ZNF521: variants seen among roughly 807,000 people sequenced by gnomAD.
ZNF521 encodes the protein LYST-interacting protein 3.
Under a neutral mutation model 105.5 loss-of-function variants are expected in ZNF521, and 14 were observed. The ratio of observed to expected loss-of-function variants is 0.13; its 90% CI spans 0.09 to 0.21. The LOEUF is 0.21. Ranked by LOEUF, ZNF521 falls within the 10% of genes least tolerant of loss-of-function variation. ZNF521 has a pLI of 1.00. For synonymous variants in ZNF521, 635 were observed against 606.0 expected, an observed-to-expected ratio of 1.05 and a Z score of -0.70; for missense variants, 1,233 against 1,629.7, an observed-to-expected ratio of 0.76 and a Z score of 4.19.
In ZNF521 at chr18:25,120,596, A is replaced by C. The variant is rs937377232; in HGVS notation, c.3659-28515T>G. ...AAAACTCCATCTAAAAAAAAAAAAA[A>C]AAAAAACCACAAACAAACAAACAAA... On this transcript the variant is annotated intron_variant, in intron 5 of 7. Coordinates refer to ENST00000361524, the MANE Select transcript of ZNF521 (RefSeq NM_015461.3). 8.5e-4 allele frequency among the ~76,000 whole-genome samples: 125 copies of C among 146,926 alleles called. 2 individuals carry two copies. Among genetic ancestry groups the C allele is most frequent in the South Asian group, 8.0e-3 (37 of 4,600 alleles).
chr18:25,302,675 C>A (rs1911709267), intron 3 of ZNF521: 1 of 152,100 alleles, frequency 6.6e-6, no homozygotes, highest in Non-Finnish European at 1.5e-5. Flanking sequence ...GGAGTAATGA[C>A]ACATTCAAAA....
chr18:25,260,701 T>A (rs1304711023), intron 3 of ZNF521, among the ~76,000 whole-genome samples: 1 of 152,192 alleles, frequency 6.6e-6, no homozygotes, highest in African/African-American at 2.4e-5. Context: ...CTATTATAAT[T>A]ACTCATGTGT....
chr18:25,304,499 T>C (rs1454042248), intron 3 of ZNF521, among the ~76,000 whole-genome samples: 1 of 152,208 alleles, frequency 6.6e-6, no homozygotes, highest in Non-Finnish European at 1.5e-5. Flanking sequence ...ACACACACAG[T>C]GCCCCCAGAG....
intron 3 of ZNF521, among the ~76,000 whole-genome samples, chr18:25,242,211 C>T (rs80310592): frequency 0.014 from 2,056 of 152,256 alleles, 53 homozygotes; most frequent in African/African-American, 0.047. Flanking sequence ...ACAAACTATT[C>T]TCTGTAAGGA....
At chr18:25,342,675 G>A (rs371617597) in intron 2 of ZNF521, among the ~76,000 whole-genome samples, 9 of 152,082 alleles carry the variant, frequency 5.9e-5, no homozygotes, top group African/African-American at 1.7e-4. Flanking sequence ...TGATCCGCCC[G>A]CCTCGGCCTC....
intron 3 of ZNF521, among the ~76,000 whole-genome samples, chr18:25,288,774 G>A (rs1910849585): frequency 6.6e-6 from 1 of 152,078 alleles, no homozygotes; most frequent in Non-Finnish European, 1.5e-5. Context: ...TAACTGTCAG[G>A]AGTCAATGAG....
chr18:25,331,893 C>CTTTTTTTTTTT (rs11407486), intron 2 of ZNF521, among the ~76,000 whole-genome samples: 1 of 134,556 alleles, frequency 7.4e-6, no homozygotes, highest in Non-Finnish European at 1.6e-5. Context: ...TTGCTTTTTT[C>CTTTTTTTTTTT]TTTTTTTTTT....
intron 3 of ZNF521, among the ~76,000 whole-genome samples, chr18:25,240,947 TAAAAAAAAA>T (rs35790866): frequency 8.5e-6 from 1 of 117,970 alleles, no homozygotes; most frequent in Non-Finnish European, 1.8e-5. Flanking sequence ...AACCAGATAT[TAAAAAAAAA>T]AAAAAAAAAA....
chr18:25,323,002 G>A (rs998382242), intron 2 of ZNF521, among the ~76,000 whole-genome samples: 4 of 152,194 alleles, frequency 2.6e-5, no homozygotes, highest in African/African-American at 7.2e-5. Context: ...AGAAAAGCAC[G>A]TGGAATGCTT....
intron 4 of ZNF521, among the ~76,000 whole-genome samples, chr18:25,195,503 A>G (rs141609273): frequency 1.9e-3 from 295 of 151,842 alleles, no homozygotes; most frequent in Middle Eastern, 6.8e-3. Flanking sequence ...AAAGATCCCT[A>G]AACTCAAAAA....
chr18:25,108,236 AC>A (rs994348055), intron 5 of ZNF521, among the ~76,000 whole-genome samples: 6 of 152,210 alleles, frequency 3.9e-5, no homozygotes, highest in Non-Finnish European at 8.8e-5. Flanking sequence ...ATAAAAATAT[AC>A]TTAAAGTATA....
rs200212987 is a variant in ZNF521, at chr18:25,316,847, CTTTTTTTT to C, written c.220+5153_220+5160del. Among the ~76,000 whole-genome samples, 154 of 127,034 alleles carry C rather than the reference CTTTTTTTT, an allele frequency of 1.2e-3. 2 individuals carry two copies. Among genetic ancestry groups the C allele is most frequent in the East Asian group, 7.8e-3 (32 of 4,086 alleles). The allele number at this position is 127,034 out of a possible 152,430, so 83.3% of individuals were successfully genotyped here. On this transcript the variant is annotated intron_variant, in intron 3 of 7. Coordinates refer to ENST00000361524, the MANE Select transcript of ZNF521 (RefSeq NM_015461.3). ...GTGCTTCAACAAGTGGCAAGTAAGA[CTTTTTTTT>C]TTTTTTTTTTTTTTTTGAGACAGAG...
intron 3 of ZNF521, among the ~76,000 whole-genome samples, chr18:25,244,297 C>CAA (rs2144813418): frequency 6.6e-6 from 1 of 152,020 alleles, no homozygotes; most frequent in African/African-American, 2.4e-5. Context: ...CACACACACA[C>CAA]ACACACACAC....
intron 3 of ZNF521, among the ~76,000 whole-genome samples, chr18:25,284,902 G>A (rs1910601200): frequency 6.9e-6 from 1 of 145,860 alleles, no homozygotes. Context: ...TCATGTGCGT[G>A]CGCGCGCGCA....
chr18:25,225,670 T>C lies in ZNF521; in HGVS notation c.2248A>G (p.Lys750Glu). The C allele has an allele frequency of 6.2e-7, 1 of 1,614,202 alleles. No individual in the cohort carries two copies. Among genetic ancestry groups the C allele is most frequent in the Non-Finnish European group, 8.5e-7 (1 of 1,180,028 alleles). The change falls in exon 4 of 8, where the codon AAA (lysine) becomes GAA (glutamate). Residue 750 changes from lysine (K) to glutamate (E), a missense_variant. Coordinates refer to ENST00000361524, the MANE Select transcript of ZNF521 (RefSeq NM_015461.3). The surrounding 1 kb of genome is among the most constrained non-coding windows in gnomAD (Gnocchi z 5.6). Reference protein sequence around the residue: ...HLAVKHSNEKKVYRCTSCNWD... With the variant: ...HLAVKHSNEKEVYRCTSCNWD... Reference sequence around the variant, plus strand: ...TTGCAAGATGTGCACCTATAGACTTTCTTTTCGTTACTGTGCTTCACAGCC... The same window carrying C: ...TTGCAAGATGTGCACCTATAGACTTCCTTTTCGTTACTGTGCTTCACAGCC...
intron 3 of ZNF521, among the ~76,000 whole-genome samples, chr18:25,270,083 A>T (rs1402373156): frequency 1.3e-5 from 2 of 152,226 alleles, no homozygotes; most frequent in African/African-American, 2.4e-5. Context: ...TGACACAATA[A>T]AAAACGATAA....
intron 5 of ZNF521, among the ~76,000 whole-genome samples, chr18:25,175,358 CA>C (rs1662078216): frequency 6.6e-6 from 1 of 152,090 alleles, no homozygotes; most frequent in African/African-American, 2.4e-5. Flanking sequence ...CACAGCATGG[CA>C]AAATTAGGAC....
At chr18:25,298,446 CA>C (rs939260083) in intron 3 of ZNF521, among the ~76,000 whole-genome samples, 1 of 152,144 alleles carries the variant, frequency 6.6e-6, no homozygotes, top group African/African-American at 2.4e-5. Flanking sequence ...ATTGCCAAAG[CA>C]AATTTAAGTC....
intron 5 of ZNF521, among the ~76,000 whole-genome samples, chr18:25,137,471 C>T (rs1441157360): frequency 2.6e-5 from 4 of 152,116 alleles, no homozygotes; most frequent in Admixed American, 2.0e-4. Flanking sequence ...TTTGTCTCGC[C>T]GGTAATGGCC....
Sources: allele counts gnomAD v4.1 joint callset (sites outside exome capture counted in the v4.1 genomes callset), GRCh38; gene constraint gnomAD v4.1.1; non-coding constraint Gnocchi (gnomAD v3.1); transcripts MANE v1.5; gene names NCBI Gene and HGNC (gene_info 2026-07-23, HGNC 2026-07-21).